Variants in PSD observed in about 807,000 individuals in gnomAD.
The protein encoded by PSD is pleckstrin and Sec7 domain containing, also known as PH and SEC7 domain-containing protein 1.
In PSD, 32 loss-of-function variants were observed where a neutral mutation model predicts 91.6. The observed-to-expected ratio is 0.35, with a 90% CI of 0.26 to 0.47. PSD has a LOEUF of 0.47. Among genes scored for constraint, PSD ranks in the 20% least tolerant of loss-of-function variants. PSD has a pLI of 1.00. For missense variants in PSD, 1,099 were observed against 1,373.9 expected (o/e 0.80, Z 3.16); for synonymous variants, 532 against 569.3 (o/e 0.93, Z 0.93).
At position 102,412,554 on chromosome 10, in the gene PSD, C is replaced by T. The variant is rs760354578; in HGVS notation, c.1575G>A (p.Leu525=). The T allele has an allele frequency of 1.9e-6, 3 of 1,613,048 alleles. No homozygotes were observed. The highest frequency in any genetic ancestry group is 2.5e-6 in the Non-Finnish European group (3 of 1,179,486). ...CCAGCTCTGAGTCTGAGTCGGACACCAGCTGGCTCAGGGGTGGTTCGCTGC... is the reference window on the plus strand; with the variant it reads ...CCAGCTCTGAGTCTGAGTCGGACACTAGCTGGCTCAGGGGTGGTTCGCTGC... ...PLGSEPPLSQ[L]VSDSDSELDS... The change falls in exon 6 of 17, where the codon CTG becomes CTA. Residue 525 remains leucine (L), a synonymous_variant. Coordinates refer to ENST00000020673, the MANE Select transcript of PSD (RefSeq NM_002779.5).
chr10:102,405,372 A>G lies in PSD; in HGVS notation c.2300T>C (p.Val767Ala). 1 of 1,613,040 alleles carries G rather than the reference A, an allele frequency of 6.2e-7. No individual in the cohort carries two copies. Residue 767 changes from valine (V) to alanine (A), a missense_variant, in exon 12 of 17, where the codon GTG (valine) becomes GCG (alanine). By Grantham distance (64) the Val-to-Ala change is moderately conservative. Transcript: ENST00000020673. This position sits in a 1 kb window ranked among gnomAD's most constrained non-coding sequence, Gnocchi z 5.4. ...CTTCCTGCAGTCAGGGTCTGCGTGCACCTTTCGCACCAGGGCCCCGTGCTT... is the reference window on the plus strand; with the variant it reads ...CTTCCTGCAGTCAGGGTCTGCGTGCGCCTTTCGCACCAGGGCCCCGTGCTT... ...VYKHGALVRK[V>A]HADPDCRKTP... is the part of the protein sequence containing the mutation.
rs569590284 is a variant in PSD at position 102,412,051 on chromosome 10, G to A, written c.1829+96C>T. On this transcript the variant is annotated intron_variant, in intron 7 of 16. Transcript: ENST00000020673. ...ATCTTGGGAAGGGTGATGTCAGGAC[G>A]GCTTGTGGGGGACAGAGGGGCTCAA... 185 of 1,325,620 alleles carry A rather than the reference G, an allele frequency of 1.4e-4. No homozygotes were observed. The Admixed American group carries it at 1.5e-3, about 10-fold the overall frequency. 82.1% of individuals were successfully genotyped at this position (1,325,620 alleles called of 1,614,324 possible).
rs892097096 is a variant in PSD at position 102,409,832 on chromosome 10, A to T, written c.2091+1026T>A. On this transcript the variant is annotated intron_variant, in intron 10 of 16. Transcript: ENST00000020673. The surrounding 1 kb of genome is among the most constrained non-coding windows in gnomAD (Gnocchi z 5.7). ...CACCCCCTACTCAGAGGCATATGGCATACCTCAGACACGGCCAATTCGAAG... is the reference window on the plus strand; with the variant it reads ...CACCCCCTACTCAGAGGCATATGGCTTACCTCAGACACGGCCAATTCGAAG... Among the ~76,000 whole-genome samples, 1 of 152,098 alleles carries T rather than the reference A, an allele frequency of 6.6e-6. No homozygotes were observed. Among genetic ancestry groups the T allele is most frequent in the Non-Finnish European group, 1.5e-5 (1 of 68,020 alleles).
At chr10:102,418,862 C>G, upstream of PSD, 1 of 393,792 alleles carries the variant, frequency 2.5e-6, no homozygotes, top group South Asian at 1.8e-5. Context: ...CCCCCCCACC[C>G]CCCGCCCTCT....
At chr10:102,417,393 T>G (rs776642529) in intron 1 of PSD, among the ~76,000 whole-genome samples, 2 of 152,088 alleles carry the variant, frequency 1.3e-5, no homozygotes, top group African/African-American at 4.8e-5. Flanking sequence ...AACTTCAAAG[T>G]TGAGTGAGCC....
rs942393857 is a variant in PSD, at chr10:102,416,605, G to A, written c.434C>T (p.Ser145Phe). ...PRPTPALGPG[S>F]NRKLRLEAST... ...TGCTTCCAGCCGTAACTTCCGGTTGGAGCCAGGCCCAAGGGCTGGGGTGGG... is the reference window on the plus strand; with the variant it reads ...TGCTTCCAGCCGTAACTTCCGGTTGAAGCCAGGCCCAAGGGCTGGGGTGGG... Residue 145 changes from serine (S) to phenylalanine (F), a missense_variant, in exon 2 of 17, where the codon TCC (serine) becomes TTC (phenylalanine). Around this residue, in one of 3 missense-constraint regions of PSD, gnomAD observed 631 missense variants for 728.8 expected, o/e 0.87. Coordinates refer to ENST00000020673, the MANE Select transcript of PSD (RefSeq NM_002779.5). The surrounding 1 kb of genome is among the most constrained non-coding windows in gnomAD (Gnocchi z 6.0). The A allele has an allele frequency of 1.9e-6, 3 of 1,596,378 alleles. No homozygotes were observed. The highest frequency in any genetic ancestry group is 1.7e-5 in the Admixed American group (1 of 57,620).
In PSD at chr10:102,404,496, C is replaced by T. The variant is rs564652272; in HGVS notation, c.2700+87G>A. The stretch of plus-strand genomic sequence containing the variant: ...CATCCTGGTGCAGGGGACATCTCCA[C>T]GATCACACGCAGCAGCCTTGAGTGC... On this transcript the variant is annotated intron_variant, in intron 15 of 16. Coordinates refer to ENST00000020673, the MANE Select transcript of PSD (RefSeq NM_002779.5). The surrounding 1 kb of genome is among the most constrained non-coding windows in gnomAD (Gnocchi z 5.7). 1.1e-4 allele frequency: 163 copies of T among 1,487,130 alleles called. No individual in the cohort carries two copies. In the African/African-American group the frequency reaches 1.8e-3, roughly 16 times the overall value. The allele number at this position is 1,487,130 out of a possible 1,614,324, so 92.1% of individuals were successfully genotyped here.
chr10:102,403,706 GCA>G lies in PSD; in HGVS notation c.2844+134_2844+135del. On this transcript the variant is annotated intron_variant, in intron 16 of 16. Coordinates refer to ENST00000020673, the MANE Select transcript of PSD (RefSeq NM_002779.5). The surrounding 1 kb of genome is among the most constrained non-coding windows in gnomAD (Gnocchi z 6.7). ...GTGGATGTCAAATGTTATCCTTGTTGCACAGAGGAGGAAACTGAGGCTTAGGT... is the reference window on the plus strand; with the variant it reads ...GTGGATGTCAAATGTTATCCTTGTTGCAGAGGAGGAAACTGAGGCTTAGGT... 1.7e-6 allele frequency: 2 copies of G among 1,178,104 alleles called. No homozygotes were observed. The allele number at this position is 1,178,104 out of a possible 1,614,324, so 73.0% of individuals were successfully genotyped here.
Position 102,414,216 on chromosome 10 carries a change from T to C in PSD, c.1125-19A>G. 6.3e-7 allele frequency: 1 copy of C among 1,584,766 alleles called. No individual in the cohort carries two copies. The highest frequency in any genetic ancestry group is 8.6e-7 in the Non-Finnish European group (1 of 1,164,546). ...CCCTGGCCTGCAGGGGCAGGGAGAA[T>C]CTCTGATTAGGGGCCCAGATCACAG... On this transcript the variant is annotated intron_variant, in intron 4 of 16. Coordinates refer to ENST00000020673, the MANE Select transcript of PSD (RefSeq NM_002779.5). The surrounding 1 kb of genome is among the most constrained non-coding windows in gnomAD (Gnocchi z 5.6).
At position 102,416,866 on chromosome 10, in the gene PSD, C is replaced by T. The variant is rs751125009; in HGVS notation, c.173G>A (p.Arg58Gln). 19 of 1,599,782 alleles carry T rather than the reference C, an allele frequency of 1.2e-5. No individual in the cohort carries two copies. The highest frequency in any genetic ancestry group is 1.1e-4 in the South Asian group (10 of 89,046). The change falls in exon 2 of 17, where the codon CGG becomes CAG. Residue 58 changes from arginine to glutamine, a missense_variant. By Grantham distance (43) the Arg-to-Gln change is conservative. Coordinates refer to ENST00000020673, the MANE Select transcript of PSD (RefSeq NM_002779.5). This position sits in a 1 kb window ranked among gnomAD's most constrained non-coding sequence, Gnocchi z 6.0. ...RRVAGPGPRG[R>Q]ELGRVTAPCT... ...GGGTGCTGTCACACGTCCCAGTTCC[C>T]GGCCTCGAGGACCTGGACCTGCCAC...
upstream of PSD, chr10:102,419,206 A>C (rs1476062986): frequency 2.3e-5 from 4 of 170,348 alleles, no homozygotes; most frequent in Non-Finnish European, 2.6e-5. The surrounding 1 kb of genome is among the most constrained non-coding windows in gnomAD (Gnocchi z 4.8). Flanking sequence ...ATGGGTGTAG[A>C]CTGGACCCGC....
intron 1 of PSD, among the ~76,000 whole-genome samples, chr10:102,417,717 T>C (rs1565230545): frequency 2.0e-5 from 3 of 150,902 alleles, no homozygotes; most frequent in Admixed American, 1.3e-4. Context: ...CTTTTTTTTT[T>C]TTTTTTTTGA....
chr10:102,412,535 C>T lies in PSD; in HGVS notation c.1594G>A (p.Glu532Lys). The stretch of plus-strand genomic sequence containing the variant: ...GCCAGCCGCTCTGTGCTGTCCAGCT[C>T]TGAGTCTGAGTCGGACACCAGCTGG... Reference protein sequence around the residue: ...LSQLVSDSDSELDSTERLALG... With the variant: ...LSQLVSDSDSKLDSTERLALG... The change falls in exon 6 of 17, where the codon GAG (glutamate) becomes AAG (lysine). Residue 532 changes from glutamate (E) to lysine (K), a missense_variant. Physicochemically the swap from Glu to Lys is moderately conservative, Grantham distance 56. Transcript: ENST00000020673. The T allele has an allele frequency of 1.9e-6, 3 of 1,613,820 alleles. No individual in the cohort carries two copies. The highest frequency in any genetic ancestry group is 2.5e-6 in the Non-Finnish European group (3 of 1,179,902).
chr10:102,407,292 G>A (rs756747901), intron 10 of PSD, 26 bp from the exon 11 acceptor site: 55 of 1,521,446 alleles, frequency 3.6e-5, no homozygotes, highest in Non-Finnish European at 4.9e-5. Context: ...AACAAATTAG[G>A]GGGTTGTGGG....
intron 6 of PSD, 70 bp from the exon 7 acceptor site, chr10:102,412,297 A>G (rs1258575982): frequency 1.2e-6 from 2 of 1,608,188 alleles, no homozygotes; most frequent in Admixed American, 1.7e-5. Flanking sequence ...GGATTACCCA[A>G]TGACCAGGGG....
At position 102,411,205 on chromosome 10, in the gene PSD, C is replaced by G. The variant is rs116531486; in HGVS notation, c.1943-89G>C. 2.1e-3 allele frequency: 2,870 copies of G among 1,350,620 alleles called. 49 individuals carry two copies. The African/African-American group carries it at 0.037, about 17-fold the overall frequency. 83.7% of individuals were successfully genotyped at this position (1,350,620 alleles called of 1,614,324 possible). On this transcript the variant is annotated intron_variant, in intron 8 of 16. Coordinates refer to ENST00000020673, the MANE Select transcript of PSD (RefSeq NM_002779.5). ...CCAACCTCCCATTTCATCCCCACCC[C>G]CTTTGGCCGGCAACTTCCTACCTCC...
At position 102,410,841 on chromosome 10, in the gene PSD, C is replaced by T. The variant is rs376130012; in HGVS notation, c.2091+17G>A. 8.1e-6 allele frequency: 13 copies of T among 1,604,494 alleles called. No individual in the cohort carries two copies. The highest frequency in any genetic ancestry group is 5.4e-5 in the African/African-American group (4 of 74,726). On this transcript the variant is annotated intron_variant, in intron 10 of 16. Coordinates refer to ENST00000020673, the MANE Select transcript of PSD (RefSeq NM_002779.5). The surrounding 1 kb of genome is among the most constrained non-coding windows in gnomAD (Gnocchi z 6.0). The stretch of plus-strand genomic sequence containing the variant: ...ATCCTTCCCCTCCAGCGACTTCTAC[C>T]CTGCCCCGCCCCCCACCTTGAGCAG...
chr10:102,405,303 A>G lies in PSD; in HGVS notation c.2326+43T>C, dbSNP rs1171970574. The stretch of plus-strand genomic sequence containing the variant: ...GGGGCCCTGGAACAGGCCCACTCCC[A>G]TCCATCCCCTAGACGCCCGCCCCCC... On this transcript the variant is annotated intron_variant, in intron 12 of 16. Transcript: ENST00000020673. The surrounding 1 kb of genome is among the most constrained non-coding windows in gnomAD (Gnocchi z 5.4). 6.2e-7 allele frequency: 1 copy of G among 1,608,504 alleles called. No individual in the cohort carries two copies. The highest frequency in any genetic ancestry group is 1.3e-5 in the African/African-American group (1 of 74,946).
chr10:102,416,495 G>A lies in PSD; in HGVS notation c.544C>T (p.Gln182Ter). ...NLVHGPPAPP[Q>*]VGADGLYSSL... ...GAGTAAAGGCCATCTGCTCCAACCTGGGGTGGGGCTGGCGGCCCATGTACA... is the reference window on the plus strand; with the variant it reads ...GAGTAAAGGCCATCTGCTCCAACCTAGGGTGGGGCTGGCGGCCCATGTACA... Residue 182 changes from glutamine to a stop codon, truncating the protein, a stop_gained, in exon 2 of 17, where the codon CAG becomes TAG. Coordinates refer to ENST00000020673, the MANE Select transcript of PSD (RefSeq NM_002779.5). LOFTEE classifies it high-confidence loss of function. The surrounding 1 kb of genome is among the most constrained non-coding windows in gnomAD (Gnocchi z 6.0). 2 of 1,613,318 alleles carry A rather than the reference G, an allele frequency of 1.2e-6. No individual in the cohort carries two copies. The highest frequency in any genetic ancestry group is 1.7e-6 in the Non-Finnish European group (2 of 1,179,686).
Sources: allele counts gnomAD v4.1 joint callset (sites outside exome capture counted in the v4.1 genomes callset), GRCh38; gene constraint gnomAD v4.1.1; regional missense constraint gnomAD v4.1.1; non-coding constraint Gnocchi (gnomAD v3.1); transcripts MANE v1.5; gene names NCBI Gene and HGNC (gene_info 2026-07-23, HGNC 2026-07-21).